The following ARHGAP29 variants were observed in gnomAD, a reference collection of about 807,000 sequenced individuals.
ARHGAP29 encodes Rho GTPase activating protein 29.
In ARHGAP29, 43 loss-of-function variants were observed where a neutral mutation model predicts 122.6. That is an observed-to-expected ratio of 0.35 (90% CI 0.27 to 0.45). The LOEUF is 0.45. ARHGAP29 is among the 20% of genes least tolerant of loss of function. The pLI is 1.00. For synonymous variants in ARHGAP29, 506 were observed against 497.1 expected, an observed-to-expected ratio of 1.02 and a Z score of -0.24; for missense variants, 1,303 against 1,477.2, an observed-to-expected ratio of 0.88 and a Z score of 1.93.
chr1:94,205,118 T>C lies in ARHGAP29; in HGVS notation c.640A>G (p.Thr214Ala), dbSNP rs537507050. 16 of 1,609,450 alleles carry C rather than the reference T, an allele frequency of 9.9e-6. No individual in the cohort carries two copies. The South Asian group carries it at 1.7e-4, about 17-fold the overall frequency. The change falls in exon 7 of 23, where the codon ACT (threonine) becomes GCT (alanine). Residue 214 changes from threonine to alanine, a missense_variant. Physicochemically the swap from Thr to Ala is moderately conservative, Grantham distance 58. This residue lies in a region of ARHGAP29 where 592 missense variants were observed against 648.2 expected (regional missense o/e 0.91). Coordinates refer to ENST00000260526, the MANE Select transcript of ARHGAP29 (RefSeq NM_004815.4). Reference sequence around the variant, plus strand: ...ATGTTCTTAGTATATTTTGACCAAGTTTTAGCATATGACAAAGCCAGCTCG... The same window carrying C: ...ATGTTCTTAGTATATTTTGACCAAGCTTTAGCATATGACAAAGCCAGCTCG... The part of the protein sequence containing the change: ...SIELALSYAK[T>A]WSKYTKNIVS...
intron 1 of ARHGAP29, among the ~76,000 whole-genome samples, chr1:94,236,688 T>C (rs955684769): frequency 5.3e-5 from 8 of 152,166 alleles, no homozygotes; most frequent in African/African-American, 1.4e-4. Context: ...AAAAAATTTT[T>C]TTTTTTAATT....
At position 94,169,606 on chromosome 1, in the gene ARHGAP29, A is replaced by C. The variant is rs1455701094; in HGVS notation, c.*4263T>G. ...TATGTATATAAATAGATATAGAAGT[A>C]GGTGACTATTCTTGAATGTGTGTAG... On this transcript the variant is annotated 3_prime_UTR_variant, in exon 23 of 23. Coordinates refer to ENST00000260526, the MANE Select transcript of ARHGAP29 (RefSeq NM_004815.4). Among the ~76,000 whole-genome samples the C allele has an allele frequency of 2.6e-5, 4 of 152,114 alleles. No homozygotes were observed. The highest frequency in any genetic ancestry group is 9.7e-5 in the African/African-American group (4 of 41,342).
chr1:94,260,924 A>G (rs1273843172), intron 1 of ARHGAP29, among the ~76,000 whole-genome samples: 1 of 152,186 alleles, frequency 6.6e-6, no homozygotes, highest in African/African-American at 2.4e-5. Flanking sequence ...TCTGTGAGGC[A>G]TAGCTGTGCA....
intron 12 of ARHGAP29, chr1:94,193,447 G>A (rs1238544088): frequency 2.0e-5 from 3 of 150,660 alleles, no homozygotes; most frequent in African/African-American, 7.3e-5. Flanking sequence ...GATTCAAGAA[G>A]TTCAACCAAT....
chr1:94,234,622 T>C (rs891227802), intron 1 of ARHGAP29, among the ~76,000 whole-genome samples: 1 of 152,220 alleles, frequency 6.6e-6, no homozygotes, highest in Non-Finnish European at 1.5e-5. Flanking sequence ...TTAATCCTTA[T>C]ATGCATACAT....
upstream of ARHGAP29, chr1:94,237,723 C>G: frequency 1.0e-6 from 1 of 985,304 alleles, no homozygotes; most frequent in Non-Finnish European, 1.2e-6. Flanking sequence ...GCAACTAGCT[C>G]GCGCGCAGAA....
chr1:94,178,082 T>G lies in ARHGAP29; in HGVS notation c.2566A>C (p.Thr856Pro). 1 of 1,614,194 alleles carries G rather than the reference T, an allele frequency of 6.2e-7. No homozygotes were observed. The highest frequency in any genetic ancestry group is 8.5e-7 in the Non-Finnish European group (1 of 1,180,024). The change falls in exon 21 of 23, where the codon ACA becomes CCA. Residue 856 changes from threonine to proline, a missense_variant. Around this residue, in one of 3 missense-constraint regions of ARHGAP29, gnomAD observed 620 missense variants for 651.2 expected, o/e 0.95. Coordinates refer to ENST00000260526, the MANE Select transcript of ARHGAP29 (RefSeq NM_004815.4). ...FGPSLIRPRP[T>P]TAPITISSLA... ...GAGGAGATGGTGATAGGAGCAGTTG[T>G]GGGCCTTGGCCTAATGAGACTTGGT...
chr1:94,306,482 C>T, the ARHGAP29 span, among the ~76,000 whole-genome samples: 1 of 152,170 alleles, frequency 6.6e-6, no homozygotes, highest in African/African-American at 2.4e-5. Flanking sequence ...TATATTTCAT[C>T]TGAATTTTAG....
At chr1:94,223,281 T>C (rs993099867) in intron 2 of ARHGAP29, among the ~76,000 whole-genome samples, 1 of 152,154 alleles carries the variant, frequency 6.6e-6, no homozygotes, top group African/African-American at 2.4e-5. Context: ...GTTAGTTTGG[T>C]AGGTTTACTT....
At chr1:94,230,053 T>C (rs1293577124) in intron 2 of ARHGAP29, among the ~76,000 whole-genome samples, 1 of 151,742 alleles carries the variant, frequency 6.6e-6, no homozygotes, top group Non-Finnish European at 1.5e-5. Flanking sequence ...GGTAAATGAC[T>C]TGTCAACTAA....
chr1:94,244,980 A>C (rs917209500), intron 1 of ARHGAP29, among the ~76,000 whole-genome samples: 3 of 152,212 alleles, frequency 2.0e-5, no homozygotes, highest in African/African-American at 7.2e-5. Context: ...ACTGGGCAAT[A>C]AGCACATGAA....
chr1:94,257,239 T>C (rs1654393953), intron 1 of ARHGAP29, among the ~76,000 whole-genome samples: 2 of 151,666 alleles, frequency 1.3e-5, no homozygotes, highest in African/African-American at 4.9e-5. Flanking sequence ...CCGTCTCTAC[T>C]AAAAATGCAA....
At chr1:94,188,735 T>A in intron 15 of ARHGAP29, 102 bp downstream of exon 15, 1 of 942,404 alleles carries the variant, frequency 1.1e-6, no homozygotes, top group Non-Finnish European at 1.6e-6. Context: ...TCCTCTCTAT[T>A]ATGTGTGAAA....
chr1:94,271,786 G>C (rs1655003620), intron 1 of ARHGAP29, among the ~76,000 whole-genome samples: 1 of 152,120 alleles, frequency 6.6e-6, no homozygotes, highest in Non-Finnish European at 1.5e-5. Flanking sequence ...GACTCTTCAG[G>C]ATTCGAAGTT....
chr1:94,180,438 C>A (rs1379876375), intron 19 of ARHGAP29, among the ~76,000 whole-genome samples: 2 of 152,096 alleles, frequency 1.3e-5, no homozygotes, highest in South Asian at 4.1e-4. Context: ...CCTTGAATTG[C>A]CATAAATAGG....
chr1:94,223,947 A>G lies in ARHGAP29; in HGVS notation c.206-3555T>C, dbSNP rs1449638895. Among the ~76,000 whole-genome samples the G allele has an allele frequency of 2.0e-5, 3 of 152,040 alleles. No homozygotes were observed. In the East Asian group the frequency reaches 5.8e-4, roughly 29 times the overall value. Reference sequence around the variant, plus strand: ...CTCAGCCTCCCAAGTAGCTAGGATTACAGGTGCTCACCACCACACCTGGCT... The same window carrying G: ...CTCAGCCTCCCAAGTAGCTAGGATTGCAGGTGCTCACCACCACACCTGGCT... On this transcript the variant is annotated intron_variant, in intron 2 of 22. Transcript: ENST00000260526.
chr1:94,237,790 CTGCCCTTTTGGCT>C, upstream of ARHGAP29: 1 of 985,066 alleles, frequency 1.0e-6, no homozygotes, highest in Non-Finnish European at 1.2e-6. Flanking sequence ...GCTGCGTCGG[CTGCCCTTTTGGCT>C]TGCAGGGGAC....
At chr1:94,206,210 T>C (rs963800414) in intron 5 of ARHGAP29, among the ~76,000 whole-genome samples, 2 of 152,168 alleles carry the variant, frequency 1.3e-5, no homozygotes, top group Non-Finnish European at 2.9e-5. Context: ...ATTTAATAAG[T>C]GGCTAGTGTG....
intron 16 of ARHGAP29, 112 bp from the exon 17 acceptor site, chr1:94,185,593 G>T: frequency 1.0e-6 from 1 of 965,120 alleles, no homozygotes; most frequent in Non-Finnish European, 1.4e-6. Context: ...ATTATAAAAA[G>T]CTTTGAATCT....
Sources: gnomAD v4.1 joint callset for allele counts (sites outside exome capture counted in the v4.1 genomes callset) on GRCh38, gnomAD v4.1.1 for gene constraint, gnomAD v4.1.1 regional missense constraint, MANE v1.5 for transcripts, NCBI Gene and HGNC (gene_info 2026-07-23, HGNC 2026-07-21) for gene names.